The following PALD1 variants were observed in gnomAD, a reference collection of about 807,000 sequenced individuals.
PALD1 encodes the protein paladin.
A neutral mutation model predicts 96.0 loss-of-function variants in PALD1; 57 were observed. The ratio of observed to expected loss-of-function variants is 0.59; its 90% CI spans 0.48 to 0.74. PALD1 has a LOEUF of 0.74. Among genes scored for constraint, PALD1 ranks in the 30% least tolerant of loss-of-function variants. The pLI is 0.00. For synonymous variants in PALD1, 464 were observed against 473.6 expected (o/e 0.98, Z 0.26); for missense variants, 1,063 against 1,143.7 (o/e 0.93, Z 1.02).
chr10:70,534,620 C>T, intron 9 of PALD1, 96 bp downstream of exon 9: 2 of 1,147,258 alleles, frequency 1.7e-6, no homozygotes, highest in Non-Finnish European at 2.6e-6. Flanking sequence ...GATACCCTCC[C>T]CTACCTCTCT....
chr10:70,510,210 C>T (rs1356006531), intron 1 of PALD1, among the ~76,000 whole-genome samples: 1 of 152,112 alleles, frequency 6.6e-6, no homozygotes, highest in African/African-American at 2.4e-5. Flanking sequence ...GAATCCAGGT[C>T]ATGGTTCTCC....
intron 4 of PALD1, 102 bp downstream of exon 4, chr10:70,530,170 C>A: frequency 1.0e-6 from 1 of 975,604 alleles, no homozygotes; most frequent in Non-Finnish European, 1.5e-6. Flanking sequence ...CTGCTGCATG[C>A]TGGAGAGGTG....
chr10:70,528,350 C>T (rs1846914249), intron 2 of PALD1, among the ~76,000 whole-genome samples: 1 of 152,222 alleles, frequency 6.6e-6, no homozygotes, highest in Non-Finnish European at 1.5e-5. Flanking sequence ...TGAAATAGCC[C>T]TGTGTGGAGG....
At position 70,487,361 on chromosome 10, in the gene PALD1, C is replaced by T. The variant is rs960462226; in HGVS notation, c.-30+8302C>T. Among the ~76,000 whole-genome samples, 8 of 152,098 alleles carry T rather than the reference C, an allele frequency of 5.3e-5. No homozygotes were observed. The East Asian group carries it at 1.6e-3, about 29-fold the overall frequency. On this transcript the variant is annotated intron_variant, in intron 1 of 19. Coordinates refer to ENST00000263563, the MANE Select transcript of PALD1 (RefSeq NM_014431.3). ...TGTTAGCCAGGATGGTCTCGATCTCCTGACCTTGTGATCCGCCCGTCTTGG... is the reference window on the plus strand; with the variant it reads ...TGTTAGCCAGGATGGTCTCGATCTCTTGACCTTGTGATCCGCCCGTCTTGG...
chr10:70,527,825 C>G (rs991489481), intron 2 of PALD1, among the ~76,000 whole-genome samples: 1 of 152,148 alleles, frequency 6.6e-6, no homozygotes, highest in Non-Finnish European at 1.5e-5. Flanking sequence ...TACATGTGCA[C>G]AACGTGCATG....
At chr10:70,549,481 G>A (rs1847435724) in intron 18 of PALD1, among the ~76,000 whole-genome samples, 1 of 152,264 alleles carries the variant, frequency 6.6e-6, no homozygotes, top group Admixed American at 6.5e-5. Context: ...GAGGCACCCA[G>A]AGGGCGGAGC....
At chr10:70,509,316 A>C (rs58028552) in intron 1 of PALD1, among the ~76,000 whole-genome samples, 4,002 of 152,256 alleles carry the variant, frequency 0.026, 162 homozygotes, top group African/African-American at 0.089. Context: ...TCTGTCTTGT[A>C]CTGTAGAGAA....
At chr10:70,508,656 C>T (rs1045005364) in intron 1 of PALD1, among the ~76,000 whole-genome samples, 3 of 152,170 alleles carry the variant, frequency 2.0e-5, no homozygotes, top group East Asian at 1.9e-4. Context: ...GGCAGGTCTC[C>T]GGCCACCCGT....
intron 1 of PALD1, among the ~76,000 whole-genome samples, chr10:70,482,233 G>T (rs1427737065): frequency 2.0e-5 from 3 of 152,148 alleles, no homozygotes; most frequent in Non-Finnish European, 4.4e-5. Flanking sequence ...TTAGCCCTGT[G>T]GGACCTCCAT....
At chr10:70,530,986 C>A (rs995865529) in intron 4 of PALD1, among the ~76,000 whole-genome samples, 1 of 152,146 alleles carries the variant, frequency 6.6e-6, no homozygotes, top group African/African-American at 2.4e-5. Flanking sequence ...CTACGAGGAA[C>A]CTGTGGTCCA....
At chr10:70,466,729 G>A in the PALD1 span, among the ~76,000 whole-genome samples, 1 of 152,200 alleles carries the variant, frequency 6.6e-6, no homozygotes, top group Non-Finnish European at 1.5e-5. Flanking sequence ...TCCTTGAGAA[G>A]CGTGAGGGAA....
chr10:70,545,122 A>C (rs1017412829), intron 17 of PALD1, among the ~76,000 whole-genome samples: 6 of 147,998 alleles, frequency 4.1e-5, no homozygotes, highest in African/African-American at 1.5e-4. Flanking sequence ...AAGTGGAAGC[A>C]GATGAGCAGG....
intron 6 of PALD1, 68 bp downstream of exon 6, chr10:70,532,849 G>C (rs1847024157): frequency 1.9e-6 from 3 of 1,576,474 alleles, no homozygotes; most frequent in Admixed American, 1.7e-5. Context: ...TGCAGCCTCA[G>C]TTTCACCATC....
chr10:70,481,329 G>A (rs928470084), intron 1 of PALD1, among the ~76,000 whole-genome samples: 10 of 152,218 alleles, frequency 6.6e-5, no homozygotes, highest in Non-Finnish European at 1.3e-4. Flanking sequence ...GTTTCCCTGC[G>A]TGGCACAGTG....
the PALD1 span, among the ~76,000 whole-genome samples, chr10:70,467,035 A>G: frequency 1.3e-5 from 2 of 152,174 alleles, no homozygotes; most frequent in Non-Finnish European, 2.9e-5. Flanking sequence ...GAAGTGGGTG[A>G]CAACTCCTGA....
chr10:70,525,569 A>G (rs1369622763), intron 1 of PALD1, among the ~76,000 whole-genome samples: 2 of 151,896 alleles, frequency 1.3e-5, no homozygotes, highest in Non-Finnish European at 2.9e-5. Context: ...GCCTTTGTCT[A>G]TACCACCTGA....
At chr10:70,459,732 AC>A in the PALD1 span, among the ~76,000 whole-genome samples, 4 of 152,306 alleles carry the variant, frequency 2.6e-5, no homozygotes. Context: ...TTATGGGGTA[AC>A]TGCAGACACA....
rs748636644 is a variant in PALD1, at chr10:70,541,248, T to C, written c.2049+6T>C. 3.7e-6 allele frequency: 6 copies of C among 1,600,662 alleles called. No homozygotes were observed. The South Asian group carries it at 5.6e-5, about 15-fold the overall frequency. On this transcript the variant is annotated splice_donor_region_variant and intron_variant, in intron 16 of 19. Coordinates refer to ENST00000263563, the MANE Select transcript of PALD1 (RefSeq NM_014431.3). ...TGGCCTTCTGGCACATCCAAGTACGTGTGGCCTCTCAAGTGAGATTAGAGA... is the reference window on the plus strand; with the variant it reads ...TGGCCTTCTGGCACATCCAAGTACGCGTGGCCTCTCAAGTGAGATTAGAGA...
intron 1 of PALD1, among the ~76,000 whole-genome samples, chr10:70,520,505 A>G (rs1846708114): frequency 6.6e-6 from 1 of 152,154 alleles, no homozygotes; most frequent in South Asian, 2.1e-4. Flanking sequence ...GGGCTTGAAT[A>G]CTGCCATTGA....
Sources: gnomAD v4.1 joint callset for allele counts (sites outside exome capture counted in the v4.1 genomes callset) on GRCh38, gnomAD v4.1.1 for gene constraint, MANE v1.5 for transcripts, NCBI Gene and HGNC (gene_info 2026-07-23, HGNC 2026-07-21) for gene names.